Variants in VPS45 observed in about 807,000 individuals in gnomAD.
VPS45 encodes the protein vacuolar protein sorting-associated protein 45.
VPS45 carries 35 observed loss-of-function variants against 75.9 expected under a neutral mutation model. The observed-to-expected ratio is 0.46, with a 90% CI of 0.35 to 0.61. VPS45 has a LOEUF of 0.61. Among genes scored for constraint, VPS45 ranks in the 20% least tolerant of loss-of-function variants. The pLI, the probability that VPS45 is intolerant of heterozygous loss-of-function variation, is 0.00. For synonymous variants in VPS45, 220 were observed against 238.2 expected (o/e 0.92, Z 0.70); for missense variants, 559 against 685.9 (o/e 0.81, Z 2.07).
chr1:150,072,314 T>A (rs781919677), intron 3 of VPS45, 88 bp downstream of exon 3: 21 of 920,696 alleles, frequency 2.3e-5, no homozygotes, highest in Non-Finnish European at 1.8e-5. Flanking sequence ...AATAACTTCA[T>A]TGAATCTGTC....
At chr1:150,123,329 T>TTTATGTACAAG (rs1658335734) in intron 14 of VPS45, among the ~76,000 whole-genome samples, 1 of 152,226 alleles carries the variant, frequency 6.6e-6, no homozygotes, top group Admixed American at 6.5e-5. Flanking sequence ...GCTATAAACA[T>TTTATGTACAAG]TTATGTACAA....
chr1:150,088,434 A>AATAAATATATATATATATATAT (rs1400963423), intron 10 of VPS45, among the ~76,000 whole-genome samples: 1 of 125,540 alleles, frequency 8.0e-6, no homozygotes, highest in Non-Finnish European at 1.6e-5. Flanking sequence ...CTGAATAATA[A>AATAAATATATATATATATATAT]ATATATATAT....
chr1:150,099,035 T>C (rs1656821385), intron 13 of VPS45: 3 of 1,097,242 alleles, frequency 2.7e-6, no homozygotes, highest in Non-Finnish European at 3.4e-6. Context: ...TCCTTTTTCA[T>C]TGGCCTTTTT....
intron 14 of VPS45, among the ~76,000 whole-genome samples, chr1:150,139,517 C>T (rs903463218): frequency 5.9e-5 from 9 of 151,924 alleles, no homozygotes; most frequent in African/African-American, 2.2e-4. Flanking sequence ...GCATTTTATT[C>T]CTCTTCAAGA....
In VPS45 at chr1:150,124,066, T is replaced by C. The variant is rs369201339; in HGVS notation, c.1625+13439T>C. On this transcript the variant is annotated intron_variant, in intron 14 of 14. Coordinates refer to ENST00000644510, the MANE Select transcript of VPS45 (RefSeq NM_007259.5). ...CCTAAAGAATAATTAATGATCCCATTTTCAATTATTTTCCCCATAAGTAGC... is the reference window on the plus strand; with the variant it reads ...CCTAAAGAATAATTAATGATCCCATCTTCAATTATTTTCCCCATAAGTAGC... 4.0e-4 allele frequency among the ~76,000 whole-genome samples: 61 copies of C among 152,228 alleles called. No individual in the cohort carries two copies. In the South Asian group the frequency reaches 0.012, roughly 29 times the overall value.
chr1:150,092,863 A>C (rs1420516326), intron 12 of VPS45, among the ~76,000 whole-genome samples: 1 of 59,800 alleles, frequency 1.7e-5, no homozygotes, highest in Admixed American at 2.7e-4. Context: ...TTTTTTTGAG[A>C]CGGAGTCTCG....
In VPS45 at chr1:150,072,092, A is replaced by G. The variant is rs587711535; in HGVS notation, c.229-74A>G. 131 of 1,315,030 alleles carry G rather than the reference A, an allele frequency of 1.0e-4. 1 individual carries two copies. The East Asian group carries it at 2.6e-3, about 26-fold the overall frequency. 81.5% of individuals were successfully genotyped at this position (1,315,030 alleles called of 1,614,324 possible). A position where few individuals can be genotyped will look rare whatever the true frequency, so the allele number is the denominator to read the frequency against. On this transcript the variant is annotated intron_variant, in intron 2 of 14. Transcript: ENST00000644510. ...GTAGACGCAGTAAATAAACAAATCA[A>G]TGGGTGAATGCTTATTACTTTTTTC...
At position 150,092,109 on chromosome 1, in the gene VPS45, A is replaced by T. The variant is rs782262317; in HGVS notation, c.1263+14A>T. The T allele has an allele frequency of 6.2e-7, 1 of 1,606,916 alleles. No individual in the cohort carries two copies. Among genetic ancestry groups the T allele is most frequent in the Non-Finnish European group, 8.5e-7 (1 of 1,175,852 alleles). ...AAGTATCGAAAGGTAACCAGTTTCCATATTAGCCCACCAAACAGGAACCAA... is the reference window on the plus strand; with the variant it reads ...AAGTATCGAAAGGTAACCAGTTTCCTTATTAGCCCACCAAACAGGAACCAA... On this transcript the variant is annotated intron_variant, in intron 11 of 14. Transcript: ENST00000644510.
At chr1:150,077,648 A>G (rs1389792190) in intron 6 of VPS45, 21 bp from the exon 7 acceptor site, 6 of 1,551,526 alleles carry the variant, frequency 3.9e-6, no homozygotes, top group African/African-American at 2.7e-5. Context: ...TGCACAAACC[A>G]TCTTTCTCTC....
chr1:150,118,353 A>C (rs1299357750), intron 14 of VPS45, among the ~76,000 whole-genome samples: 1 of 152,088 alleles, frequency 6.6e-6, no homozygotes, highest in African/African-American at 2.4e-5. Flanking sequence ...AAAAAGAAAA[A>C]AAAATGAAAC....
chr1:150,122,982 CCTT>C (rs1553809959), intron 14 of VPS45, among the ~76,000 whole-genome samples: 8 of 54,434 alleles, frequency 1.5e-4, no homozygotes, highest in African/African-American at 5.7e-4. Flanking sequence ...GAGCGAAACT[CCTT>C]CTCAAAAAAA....
chr1:150,068,992 A>T, intron 2 of VPS45: 1 of 478,230 alleles, frequency 2.1e-6, no homozygotes, highest in Non-Finnish European at 3.7e-6. Flanking sequence ...AGCCATTCCC[A>T]TTGCCACTAA....
At chr1:150,078,293 A>G (rs1195926774) in intron 7 of VPS45, among the ~76,000 whole-genome samples, 2 of 152,196 alleles carry the variant, frequency 1.3e-5, no homozygotes, top group African/African-American at 2.4e-5. Flanking sequence ...TTGGCATCCA[A>G]GAGCCTTCAC....
rs782679784 is a variant in VPS45 at position 150,092,399 on chromosome 1, A to G, written c.1361A>G (p.Lys454Arg). Residue 454 changes from lysine to arginine, a missense_variant, in exon 12 of 15, where the codon AAA becomes AGA. By Grantham distance (26) the Lys-to-Arg change is conservative. Transcript: ENST00000644510. Reference sequence around the variant, plus strand: ...GTGGCTATCACCAAACAATTCCTCAAAGGACTGAAGGTATAGACATCTCCT... The same window carrying G: ...GTGGCTATCACCAAACAATTCCTCAGAGGACTGAAGGTATAGACATCTCCT... ...DAVAITKQFL[K>R]GLKGVENVYT... 4 of 1,614,086 alleles carry G rather than the reference A, an allele frequency of 2.5e-6. No individual in the cohort carries two copies. The Admixed American group carries it at 5.0e-5, about 20-fold the overall frequency.
At chr1:150,107,456 G>A (rs587664711) in intron 13 of VPS45, among the ~76,000 whole-genome samples, 7 of 152,292 alleles carry the variant, frequency 4.6e-5, no homozygotes, top group Non-Finnish European at 8.8e-5. Flanking sequence ...TGGACATCCA[G>A]TACCTCCTCT....
Position 150,077,221 on chromosome 1 carries a change from A to G in VPS45, c.566A>G (p.Glu189Gly), listed in dbSNP as rs144659538. ...TCAGAGGCAGCAAAGAGACTTGCAGAGTGCGTTAAGGTATGGCATTACCTA... is the reference window on the plus strand; with the variant it reads ...TCAGAGGCAGCAAAGAGACTTGCAGGGTGCGTTAAGGTATGGCATTACCTA... Reference protein sequence around the residue: ...LSSEAAKRLAECVKQVITKEY... With the variant: ...LSSEAAKRLAGCVKQVITKEY... Residue 189 changes from glutamate to glycine, a missense_variant, in exon 6 of 15, where the codon GAG becomes GGG. Coordinates refer to ENST00000644510, the MANE Select transcript of VPS45 (RefSeq NM_007259.5). 1,074 of 1,613,682 alleles carry G rather than the reference A, an allele frequency of 6.7e-4. No individual in the cohort carries two copies. The highest frequency in any genetic ancestry group is 8.2e-4 in the Non-Finnish European group (968 of 1,179,866).
intron 13 of VPS45, among the ~76,000 whole-genome samples, chr1:150,097,648 G>A (rs1656745571): frequency 6.6e-6 from 1 of 151,896 alleles, no homozygotes; most frequent in Non-Finnish European, 1.5e-5. Flanking sequence ...GAACCAGGGA[G>A]GTGGAGGTTG....
chr1:150,082,648 C>T, intron 9 of VPS45, 68 bp from the exon 10 acceptor site: 2 of 1,536,626 alleles, frequency 1.3e-6, no homozygotes, highest in Non-Finnish European at 1.8e-6. Flanking sequence ...CCCCAACCCC[C>T]ATTCAGTACA....
At chr1:150,073,291 T>TA in intron 3 of VPS45, among the ~76,000 whole-genome samples, 2 of 152,286 alleles carry the variant, frequency 1.3e-5, no homozygotes, top group Admixed American at 1.3e-4. Context: ...TTAAAGGTAT[T>TA]AGAGTTTTAG....
Sources: allele counts gnomAD v4.1 joint callset (sites outside exome capture counted in the v4.1 genomes callset), GRCh38; gene constraint gnomAD v4.1.1; transcripts MANE v1.5; gene names NCBI Gene and HGNC (gene_info 2026-07-23, HGNC 2026-07-21).